Variants in CEP192 observed in about 807,000 individuals in gnomAD.
CEP192 encodes the protein centrosomal protein of 192 kDa.
A neutral mutation model predicts 271.8 loss-of-function variants in CEP192; 151 were observed. The ratio of observed to expected loss-of-function variants is 0.56; its 90% CI spans 0.49 to 0.64. The LOEUF (loss-of-function observed/expected upper bound fraction) is 0.64, where lower values mean the gene tolerates loss of function less well. Among genes scored for constraint, CEP192 ranks in the 30% least tolerant of loss-of-function variants. The pLI is 0.00. For missense variants in CEP192, 2,910 were observed against 3,020.5 expected (o/e 0.96, Z 0.86); for synonymous variants, 995 against 1,076.5 (o/e 0.92, Z 1.48).
chr18:13,060,655 G>A (rs556010819), intron 21 of CEP192, among the ~76,000 whole-genome samples: 1 of 152,272 alleles, frequency 6.6e-6, no homozygotes, highest in South Asian at 2.1e-4. Context: ...CTGGGCACTG[G>A]CACACACCTG....
At chr18:13,086,060 T>C (rs956521395) in intron 30 of CEP192, among the ~76,000 whole-genome samples, 6 of 152,230 alleles carry the variant, frequency 3.9e-5, no homozygotes, top group African/African-American at 1.4e-4. Flanking sequence ...CTTACTTCTT[T>C]GAGCAGTGGT....
intron 44 of CEP192, among the ~76,000 whole-genome samples, chr18:13,123,866 A>G (rs1417668835): frequency 6.6e-6 from 1 of 152,158 alleles, no homozygotes; most frequent in Non-Finnish European, 1.5e-5. Context: ...AATATTTTTG[A>G]TGAAAGTTTC....
At chr18:13,005,673 A>G (rs2033936917) in intron 3 of CEP192, among the ~76,000 whole-genome samples, 1 of 152,204 alleles carries the variant, frequency 6.6e-6, no homozygotes, top group East Asian at 1.9e-4. Flanking sequence ...TGAAGCCCTG[A>G]GTTGCTGGTC....
At chr18:13,101,477 C>T (rs1291768393) in intron 38 of CEP192, among the ~76,000 whole-genome samples, 9 of 152,194 alleles carry the variant, frequency 5.9e-5, no homozygotes, top group Non-Finnish European at 1.3e-4. Flanking sequence ...CTATTAGGCA[C>T]TCTGTATTGC....
chr18:13,001,619 A>C, intron 3 of CEP192, 37 bp downstream of exon 3: 3 of 1,517,980 alleles, frequency 2.0e-6, no homozygotes, highest in Non-Finnish European at 2.6e-6. Flanking sequence ...ACTGTGTTAA[A>C]AGTGGGTCTT....
rs184903277 is a variant in CEP192 at position 13,099,686 on chromosome 18, G to A, written c.6663+105G>A. 1.5e-4 allele frequency: 92 copies of A among 603,440 alleles called. 1 individual carries two copies. The Admixed American group carries it at 1.6e-3, about 11-fold the overall frequency. The allele number at this position is 603,440 out of a possible 1,614,324, so 37.4% of individuals were successfully genotyped here. ...TTAATTTCAGAAATCAAATGAAAGC[G>A]TACTTGACCCTTCATATTTGTGGGT... On this transcript the variant is annotated intron_variant, in intron 37 of 44. Coordinates refer to ENST00000506447, the MANE Select transcript of CEP192 (RefSeq NM_032142.4).
chr18:13,063,387 C>T (rs1434920840), intron 21 of CEP192, among the ~76,000 whole-genome samples: 2 of 152,006 alleles, frequency 1.3e-5, no homozygotes, highest in Non-Finnish European at 2.9e-5. Flanking sequence ...TGTTATTGCC[C>T]GTCTTTTGGA....
In CEP192 at chr18:13,103,590, T is replaced by G. The variant is rs1439565455; in HGVS notation, c.6951+2T>G. 2.9e-5 allele frequency: 46 copies of G among 1,609,204 alleles called. No individual in the cohort carries two copies. Among genetic ancestry groups the G allele is most frequent in the Non-Finnish European group, 3.8e-5 (45 of 1,175,598 alleles). On this transcript the variant is annotated splice_donor_variant, in intron 39 of 44. Transcript: ENST00000506447. LOFTEE classifies it high-confidence loss of function. ...TCTTTAGCGCCACCTTATGTCAAGG[T>G]CAGTCATGACTGCCTCAGATATAAT...
chr18:13,062,936 A>G (rs1463366634), intron 21 of CEP192, among the ~76,000 whole-genome samples: 3 of 152,114 alleles, frequency 2.0e-5, no homozygotes, highest in East Asian at 1.9e-4. Context: ...TGTAAGTTCA[A>G]TTGATTTGAT....
chr18:13,110,564 C>T (rs1036025460), intron 40 of CEP192, among the ~76,000 whole-genome samples: 1 of 151,890 alleles, frequency 6.6e-6, no homozygotes, highest in Non-Finnish European at 1.5e-5. Flanking sequence ...TTAGGGTTCT[C>T]CAGAGGGACA....
Position 13,068,975 on chromosome 18 carries a change from C to T in CEP192, c.4946C>T (p.Ala1649Val). ...AGAGCAGGAATAGCTAGGATCCATG[C>T]TCCCAGGGACTTGCAGGTAGCCTCA... Reference protein sequence around the residue: ...RARAGIARIHAPRDLQTMHFL... With the variant: ...RARAGIARIHVPRDLQTMHFL... Residue 1649 changes from alanine (A) to valine (V), a missense_variant, in exon 25 of 45, where the codon GCT becomes GTT. Transcript: ENST00000506447. 1 of 1,614,210 alleles carries T rather than the reference C, an allele frequency of 6.2e-7. No individual in the cohort carries two copies. Among genetic ancestry groups the T allele is most frequent in the Non-Finnish European group, 8.5e-7 (1 of 1,180,034 alleles).
At chr18:13,102,436 G>A (rs1359707310) in intron 38 of CEP192, among the ~76,000 whole-genome samples, 4 of 152,026 alleles carry the variant, frequency 2.6e-5, no homozygotes, top group East Asian at 1.9e-4. Flanking sequence ...AGGTTAAGAA[G>A]CATCTTCCTC....
chr18:13,077,614 A>G (rs1243268595), intron 30 of CEP192, among the ~76,000 whole-genome samples: 1 of 152,222 alleles, frequency 6.6e-6, no homozygotes, highest in Non-Finnish European at 1.5e-5. Flanking sequence ...GCAGCAGCAG[A>G]TGGATCCCCA....
At chr18:13,061,166 T>C (rs1167087936) in intron 21 of CEP192, among the ~76,000 whole-genome samples, 1 of 151,908 alleles carries the variant, frequency 6.6e-6, no homozygotes, top group African/African-American at 2.4e-5. Context: ...CTAGTAAAAA[T>C]ATAAAAATTA....
Position 13,067,906 on chromosome 18 carries a change from T to C in CEP192, c.4564T>C (p.Leu1522=), listed in dbSNP as rs150357881. 3.3e-4 allele frequency: 535 copies of C among 1,613,330 alleles called. 3 individuals are homozygous for C. In the African/African-American group the frequency reaches 6.1e-3, roughly 18 times the overall value. The change falls in exon 22 of 45, where the codon TTG becomes CTG. Residue 1522 remains leucine, a synonymous_variant. Coordinates refer to ENST00000506447, the MANE Select transcript of CEP192 (RefSeq NM_032142.4). ...YGGWKALPLK[L]INRTHATVPI... ...AGGCTGGAAAGCCCTCCCACTAAAA[T>C]TGATAAACCGAACGCATGCCACTGT...
chr18:12,999,016 C>A (rs113111308), intron 1 of CEP192, among the ~76,000 whole-genome samples: 2 of 152,020 alleles, frequency 1.3e-5, no homozygotes, highest in Non-Finnish European at 2.9e-5. Flanking sequence ...TTTTCTGTTC[C>A]GTATTAGAAT....
At chr18:13,050,008 G>A in intron 17 of CEP192, 117 bp downstream of exon 17, 1 of 799,514 alleles carries the variant, frequency 1.3e-6, no homozygotes, top group South Asian at 2.3e-5. Context: ...GGTAACTCTT[G>A]TAAGCTGTGA....
At chr18:13,013,331 T>TTG (rs1034366366) in intron 5 of CEP192, among the ~76,000 whole-genome samples, 27 of 152,076 alleles carry the variant, frequency 1.8e-4, no homozygotes, top group Admixed American at 5.2e-4. Flanking sequence ...AAGCATTTCT[T>TTG]TGTGTGTGTG....
At position 13,068,135 on chromosome 18, in the gene CEP192, C is replaced by T. The variant is rs138136666; in HGVS notation, c.4656C>T (p.Ser1552=). Residue 1552 remains serine, a synonymous_variant, in exon 23 of 45, where the codon TCC becomes TCT. Coordinates refer to ENST00000506447, the MANE Select transcript of CEP192 (RefSeq NM_032142.4). The part of the protein sequence containing the change: ...AWRCFTFSKE[S]VRAPVEVAPC... The stretch of plus-strand genomic sequence containing the variant: ...GCTGTTTCACGTTTTCCAAGGAATC[C>T]GTCCGAGCTCCTGTGGAAGTTGCTC... The T allele has an allele frequency of 1.1e-3, 1,741 of 1,614,176 alleles. 24 individuals are homozygous for T. The African/African-American group carries it at 0.021, about 19-fold the overall frequency.
Sources: gnomAD v4.1 joint callset for allele counts (sites outside exome capture counted in the v4.1 genomes callset) on GRCh38, gnomAD v4.1.1 for gene constraint, MANE v1.5 for transcripts, NCBI Gene and HGNC (gene_info 2026-07-23, HGNC 2026-07-21) for gene names.